Variants in SLC44A5 observed in about 807,000 individuals in gnomAD.
SLC44A5 encodes choline transporter-like protein 5.
A neutral mutation model predicts 101.8 loss-of-function variants in SLC44A5; 57 were observed. The observed-to-expected ratio is 0.56, with a 90% CI of 0.45 to 0.70. SLC44A5 has a LOEUF of 0.70. SLC44A5 is among the 30% of genes least tolerant of loss of function. The pLI, the probability that SLC44A5 is intolerant of heterozygous loss-of-function variation, is 0.00. For synonymous variants in SLC44A5, 281 were observed against 290.9 expected (o/e 0.97, Z 0.35); for missense variants, 737 against 853.1 (o/e 0.86, Z 1.70).
intron 1 of SLC44A5, among the ~76,000 whole-genome samples, chr1:75,563,107 C>T (rs1025738423): frequency 3.3e-5 from 5 of 152,158 alleles, no homozygotes; most frequent in South Asian, 2.1e-4. Flanking sequence ...TAGTTTTATA[C>T]AAGAACTCTT....
At chr1:75,237,632 C>G (rs981435893) in intron 10 of SLC44A5, among the ~76,000 whole-genome samples, 1 of 152,172 alleles carries the variant, frequency 6.6e-6, no homozygotes, top group Non-Finnish European at 1.5e-5. Context: ...GTGATAATTC[C>G]TAAGTTTTCT....
chr1:75,276,279 A>T (rs570326464), intron 5 of SLC44A5, among the ~76,000 whole-genome samples: 26 of 152,270 alleles, frequency 1.7e-4, no homozygotes, highest in African/African-American at 6.3e-4. Flanking sequence ...TGGACTACAA[A>T]TAAGGCATTT....
chr1:75,645,000 C>A, the SLC44A5 span, among the ~76,000 whole-genome samples: 1 of 152,062 alleles, frequency 6.6e-6, no homozygotes, highest in African/African-American at 2.4e-5. Context: ...TGTATATATG[C>A]CACATTTTCT....
intron 23 of SLC44A5, among the ~76,000 whole-genome samples, chr1:75,208,911 T>C (rs1646799701): frequency 6.6e-6 from 1 of 152,106 alleles, no homozygotes; most frequent in Non-Finnish European, 1.5e-5. Context: ...ATTGTAAAAA[T>C]CACCAGTTTT....
At chr1:75,236,577 G>A (rs1024164720) in intron 11 of SLC44A5, among the ~76,000 whole-genome samples, 10 of 151,890 alleles carry the variant, frequency 6.6e-5, no homozygotes, top group Non-Finnish European at 2.9e-5. Flanking sequence ...AAATAGGAAC[G>A]ATCCTTTTAA....
chr1:75,453,705 G>C (rs1011067314), intron 2 of SLC44A5, among the ~76,000 whole-genome samples: 1 of 151,932 alleles, frequency 6.6e-6, no homozygotes, highest in Non-Finnish European at 1.5e-5. Flanking sequence ...AATCACCAGC[G>C]ACAATGATGA....
At chr1:75,516,214 C>T (rs1669820355) in intron 2 of SLC44A5, among the ~76,000 whole-genome samples, 1 of 152,130 alleles carries the variant, frequency 6.6e-6, no homozygotes, top group South Asian at 2.1e-4. Context: ...AGCCTGAGTT[C>T]CCATAGATAA....
At chr1:75,220,924 T>G (rs547479493) in intron 14 of SLC44A5, among the ~76,000 whole-genome samples, 1 of 152,322 alleles carries the variant, frequency 6.6e-6, no homozygotes, top group South Asian at 2.1e-4. Flanking sequence ...ACCTATTTAT[T>G]TCAGTCCTTA....
chr1:75,424,534 A>C (rs1349909487), intron 2 of SLC44A5, among the ~76,000 whole-genome samples: 1 of 152,156 alleles, frequency 6.6e-6, no homozygotes, highest in Non-Finnish European at 1.5e-5. Flanking sequence ...TGAACTCCTG[A>C]CCTCAAGTGA....
At chr1:75,463,858 G>A (rs1177800415) in intron 2 of SLC44A5, among the ~76,000 whole-genome samples, 1 of 151,774 alleles carries the variant, frequency 6.6e-6, no homozygotes, top group Non-Finnish European at 1.5e-5. Context: ...GTTATCCTAA[G>A]TAGAAAGCCT....
chr1:75,290,056 C>A (rs1266323716), intron 5 of SLC44A5, among the ~76,000 whole-genome samples: 2 of 152,180 alleles, frequency 1.3e-5, no homozygotes, highest in South Asian at 2.1e-4. Flanking sequence ...AATAAAGTAA[C>A]CATGATAACA....
intron 2 of SLC44A5, among the ~76,000 whole-genome samples, chr1:75,468,394 G>A (rs1046571196): frequency 1.4e-4 from 22 of 152,212 alleles, no homozygotes; most frequent in Middle Eastern, 3.4e-3. Flanking sequence ...CGCTCTTCAC[G>A]ATAGCCAAAA....
intron 10 of SLC44A5, among the ~76,000 whole-genome samples, chr1:75,237,708 T>C (rs1230018098): frequency 6.6e-6 from 1 of 152,094 alleles, no homozygotes; most frequent in Non-Finnish European, 1.5e-5. Context: ...TTTTTGACTT[T>C]TATATCAAAG....
chr1:75,440,975 T>C (rs1052152904), intron 2 of SLC44A5, among the ~76,000 whole-genome samples: 1 of 151,562 alleles, frequency 6.6e-6, no homozygotes, highest in African/African-American at 2.4e-5. Context: ...ATAATGACAA[T>C]AATGCATAAT....
chr1:75,295,866 G>C (rs1653923523), intron 5 of SLC44A5, among the ~76,000 whole-genome samples: 1 of 152,186 alleles, frequency 6.6e-6, no homozygotes, highest in African/African-American at 2.4e-5. Context: ...AGTCAGGAAA[G>C]AGTGTGATGT....
chr1:75,681,851 A>C, the SLC44A5 span, among the ~76,000 whole-genome samples: 1 of 152,212 alleles, frequency 6.6e-6, no homozygotes, highest in African/African-American at 2.4e-5. Context: ...TTGCATATCT[A>C]GAAAACCCCA....
At chr1:75,324,028 G>A (rs372615383) in intron 4 of SLC44A5, among the ~76,000 whole-genome samples, 12 of 152,276 alleles carry the variant, frequency 7.9e-5, no homozygotes, top group African/African-American at 2.6e-4. Flanking sequence ...AACTCTAGCC[G>A]TGAAGATTTC....
At chr1:75,599,482 T>G (rs1388303936) in intron 1 of SLC44A5, among the ~76,000 whole-genome samples, 3 of 152,260 alleles carry the variant, frequency 2.0e-5, no homozygotes, top group Admixed American at 2.0e-4. Context: ...GAAGTAGGGC[T>G]GAAGACCCAC....
intron 5 of SLC44A5, among the ~76,000 whole-genome samples, chr1:75,284,020 T>C (rs529009839): frequency 6.6e-6 from 1 of 152,256 alleles, no homozygotes; most frequent in South Asian, 2.1e-4. Flanking sequence ...TTTAAGATTG[T>C]TTTTTCGACT....
Sources: gnomAD v4.1 joint callset for allele counts (sites outside exome capture counted in the v4.1 genomes callset) on GRCh38, gnomAD v4.1.1 for gene constraint, MANE v1.5 for transcripts, NCBI Gene and HGNC (gene_info 2026-07-23, HGNC 2026-07-21) for gene names.